The following CTNNA2 variants were observed in gnomAD, a reference collection of about 807,000 sequenced individuals.
CTNNA2 encodes the protein catenin alpha 2.
A neutral mutation model predicts 101.0 loss-of-function variants in CTNNA2; 42 were observed. The observed-to-expected ratio is 0.42, with a 90% CI of 0.32 to 0.54. CTNNA2 has a LOEUF of 0.54. CTNNA2 is among the 20% of genes least tolerant of loss of function. The pLI is 0.14. For synonymous variants in CTNNA2, 450 were observed against 456.4 expected, an observed-to-expected ratio of 0.99 and a Z score of 0.18; for missense variants, 871 against 1,223.1, an observed-to-expected ratio of 0.71 and a Z score of 4.29.
At chr2:80,218,192 A>G (rs767231198) in intron 7 of CTNNA2, among the ~76,000 whole-genome samples, 12 of 152,182 alleles carry the variant, frequency 7.9e-5, no homozygotes, top group Non-Finnish European at 1.5e-4. Flanking sequence ...GACTACCCAT[A>G]AGTCTGGCTC....
intron 18 of CTNNA2, among the ~76,000 whole-genome samples, chr2:80,627,659 C>T (rs62152012): frequency 0.067 from 10,170 of 152,076 alleles, 388 homozygotes; most frequent in African/African-American, 0.11. Flanking sequence ...TTGTAGGTTG[C>T]ATGTTCACTC....
chr2:80,404,626 A>T (rs900055443), intron 8 of CTNNA2, among the ~76,000 whole-genome samples: 12 of 152,154 alleles, frequency 7.9e-5, no homozygotes, highest in Non-Finnish European at 1.5e-5. Context: ...TTATTTGTTA[A>T]CTATCTTTGA....
intron 2 of CTNNA2, among the ~76,000 whole-genome samples, chr2:79,281,793 C>A (rs1050423921): frequency 6.6e-6 from 1 of 152,182 alleles, no homozygotes; most frequent in African/African-American, 2.4e-5. Flanking sequence ...TAATTGCAGA[C>A]ATATTTGCCT....
At chr2:80,246,040 C>T (rs1197636871) in intron 7 of CTNNA2, among the ~76,000 whole-genome samples, 3 of 151,948 alleles carry the variant, frequency 2.0e-5, no homozygotes, top group Non-Finnish European at 4.4e-5. Flanking sequence ...GTGATCCGCC[C>T]GCCTGGGCCT....
chr2:79,452,636 C>G (rs892504324), intron 4 of CTNNA2, among the ~76,000 whole-genome samples: 3 of 151,906 alleles, frequency 2.0e-5, no homozygotes, highest in Admixed American at 6.6e-5. Flanking sequence ...TTTACTTCAG[C>G]CATTTGGTGA....
intron 4 of CTNNA2, among the ~76,000 whole-genome samples, chr2:79,863,517 A>C (rs928348624): frequency 1.3e-5 from 2 of 152,220 alleles, no homozygotes; most frequent in African/African-American, 2.4e-5. Context: ...AGTTGGCCCC[A>C]TCACAGAGTT....
chr2:79,507,465 T>C (rs568609210), intron 5 of CTNNA2, among the ~76,000 whole-genome samples: 35 of 152,250 alleles, frequency 2.3e-4, no homozygotes, highest in African/African-American at 8.4e-4. Context: ...ATCTCTCGGT[T>C]GCTGTCTCTT....
intron 3 of CTNNA2, among the ~76,000 whole-genome samples, chr2:79,328,050 A>G (rs1340159387): frequency 1.3e-5 from 2 of 152,178 alleles, no homozygotes; most frequent in African/African-American, 2.4e-5. Context: ...GAGAAGAGTT[A>G]GAAGGGAAGC....
intron 7 of CTNNA2, among the ~76,000 whole-genome samples, chr2:79,971,414 G>A (rs912157790): frequency 3.3e-5 from 5 of 151,876 alleles, no homozygotes; most frequent in Admixed American, 6.6e-5. Context: ...TCTCTGAGGC[G>A]GGTCTTTATC....
intron 3 of CTNNA2, among the ~76,000 whole-genome samples, chr2:79,331,824 G>C (rs1232883859): frequency 3.3e-5 from 5 of 152,166 alleles, no homozygotes; most frequent in African/African-American, 1.2e-4. Flanking sequence ...AGGGGGGAAA[G>C]CAAATAACAA....
intron 7 of CTNNA2, among the ~76,000 whole-genome samples, chr2:80,088,612 T>C (rs1171889383): frequency 6.6e-6 from 1 of 152,108 alleles, no homozygotes; most frequent in South Asian, 2.1e-4. Context: ...TTTAAAAAAA[T>C]ATTTGCCTCA....
intron 3 of CTNNA2, among the ~76,000 whole-genome samples, chr2:79,848,688 A>G: frequency 6.6e-6 from 1 of 152,236 alleles, no homozygotes; most frequent in Admixed American, 6.5e-5. Flanking sequence ...AGTTACTGAC[A>G]TTTCTAGTAC....
chr2:80,582,951 C>A (rs917749859), intron 14 of CTNNA2, among the ~76,000 whole-genome samples: 3 of 152,014 alleles, frequency 2.0e-5, no homozygotes, highest in Admixed American at 6.6e-5. Flanking sequence ...GTGCTTTATG[C>A]CCTGATATTC....
chr2:79,818,934 T>C (rs369498000), intron 3 of CTNNA2, among the ~76,000 whole-genome samples: 1 of 142,802 alleles, frequency 7.0e-6, no homozygotes, highest in South Asian at 2.2e-4. Flanking sequence ...CACACAAAAG[T>C]ATTGCTTTAT....
chr2:80,374,693 G>T (rs1394100584), intron 7 of CTNNA2, among the ~76,000 whole-genome samples: 1 of 151,652 alleles, frequency 6.6e-6, no homozygotes, highest in Admixed American at 6.6e-5. Context: ...GTGTGTGTGT[G>T]TGTGTGTGTG....
At chr2:80,043,204 C>T (rs1574621316) in intron 7 of CTNNA2, among the ~76,000 whole-genome samples, 2 of 95,958 alleles carry the variant, frequency 2.1e-5, no homozygotes, top group Admixed American at 1.3e-4. Flanking sequence ...CTTTCTCTCT[C>T]TCTTTTTTTT....
chr2:80,126,545 C>G (rs1156679696), intron 7 of CTNNA2, among the ~76,000 whole-genome samples: 1 of 150,422 alleles, frequency 6.6e-6, no homozygotes, highest in Non-Finnish European at 1.5e-5. Flanking sequence ...TTACTTTCTT[C>G]TTTATTCTCT....
At position 79,399,103 on chromosome 2, in the gene CTNNA2, G is replaced by T. The variant is rs142767162; in HGVS notation, c.-135+25090G>T. Among the ~76,000 whole-genome samples the T allele has an allele frequency of 3.2e-4, 49 of 152,168 alleles. No homozygotes were observed. The East Asian group carries it at 9.3e-3, about 29-fold the overall frequency. On this transcript the variant is annotated intron_variant, in intron 4 of 21. Coordinates refer to the CTNNA2 transcript ENST00000466387. ...CTGTCTTTATTTGACCAGACTCAGA[G>T]TTAGCTTAGTGCAAACAGCCATACT...
At chr2:79,534,458 G>A (rs1331948384) in intron 1 of CTNNA2, among the ~76,000 whole-genome samples, 2 of 151,922 alleles carry the variant, frequency 1.3e-5, no homozygotes, top group African/African-American at 4.8e-5. Context: ...ATTATATCCA[G>A]TTCCTTGTCT....
Sources: allele counts gnomAD v4.1 joint callset (sites outside exome capture counted in the v4.1 genomes callset), GRCh38; gene constraint gnomAD v4.1.1; transcripts MANE v1.5; gene names NCBI Gene and HGNC (gene_info 2026-07-23, HGNC 2026-07-21).